Variants in STX2 observed in about 807,000 individuals in gnomAD.
STX2 encodes the protein syntaxin-2.
Under a neutral mutation model 40.6 loss-of-function variants are expected in STX2, and 27 were observed. The ratio of observed to expected loss-of-function variants is 0.66; its 90% confidence interval spans 0.49 to 0.92. The LOEUF (loss-of-function observed/expected upper bound fraction) is 0.92, where lower values mean the gene tolerates loss of function less well. Among genes scored for constraint, STX2 ranks in the 40% least tolerant of loss-of-function variants. STX2 has a pLI of 0.00. For missense variants in STX2, 328 were observed against 366.1 expected (o/e 0.90, Z 0.85); for synonymous variants, 123 against 119.1 (o/e 1.03, Z -0.22).
chr12:130,838,077 T>A (rs917169551), intron 1 of STX2, among the ~76,000 whole-genome samples: 3 of 152,206 alleles, frequency 2.0e-5, no homozygotes, highest in Non-Finnish European at 4.4e-5. Flanking sequence ...ATTCATTACA[T>A]GCAGTGGGTG....
intron 3 of STX2, among the ~76,000 whole-genome samples, chr12:130,818,185 A>AAAAAAAAAAAAAAAAATATATAT: frequency 2.8e-5 from 2 of 70,544 alleles, no homozygotes; most frequent in African/African-American, 2.4e-4. Context: ...AAAAAAAAAA[A>AAAAAAAAAAAAAAAAATATATAT]ATATATATAT....
At chr12:130,838,804 C>A (rs1952825161) in intron 1 of STX2, among the ~76,000 whole-genome samples, 1 of 152,092 alleles carries the variant, frequency 6.6e-6, no homozygotes, top group Non-Finnish European at 1.5e-5. Flanking sequence ...TGCCCCAACC[C>A]GCCCTGAGGA....
intron 6 of STX2, among the ~76,000 whole-genome samples, chr12:130,802,001 T>A (rs1027313046): frequency 6.6e-6 from 1 of 152,238 alleles, no homozygotes; most frequent in African/African-American, 2.4e-5. Flanking sequence ...CTATTTTTCA[T>A]AGTTTGTGCC....
Position 130,801,407 on chromosome 12 carries a change from C to G in STX2, c.537+8G>C, listed in dbSNP as rs1302417800. 2 of 1,606,572 alleles carry G rather than the reference C, an allele frequency of 1.2e-6. No individual in the cohort carries two copies. Among genetic ancestry groups the G allele is most frequent in the Admixed American group, 1.7e-5 (1 of 59,234 alleles). The stretch of plus-strand genomic sequence containing the variant: ...GACATGGAGCCACAGGGCCGCACCC[C>G]CACTCACGTCGGAAGTGAAGATGGA... On this transcript the variant is annotated splice_region_variant and intron_variant, in intron 7 of 10. Transcript: ENST00000392373.
intron 4 of STX2, among the ~76,000 whole-genome samples, chr12:130,809,591 C>A (rs758694002): frequency 6.6e-6 from 1 of 152,076 alleles, no homozygotes; most frequent in African/African-American, 2.4e-5. Flanking sequence ...CTAAGGCAGG[C>A]GGATCACTTG....
intron 7 of STX2, 38 bp from the exon 8 acceptor site, chr12:130,801,328 T>G: frequency 6.2e-7 from 1 of 1,600,006 alleles, no homozygotes; most frequent in Non-Finnish European, 8.5e-7. Flanking sequence ...ATTAATAAAC[T>G]TATGATGGGT....
chr12:130,798,867 C>G (rs745846730), intron 8 of STX2, among the ~76,000 whole-genome samples: 6 of 152,118 alleles, frequency 3.9e-5, no homozygotes, highest in South Asian at 4.2e-4. Flanking sequence ...AATGGGCCAC[C>G]ATGTTGATAA....
At chr12:130,834,623 CAT>C (rs1386259437) in intron 1 of STX2, among the ~76,000 whole-genome samples, 5 of 152,154 alleles carry the variant, frequency 3.3e-5, no homozygotes, top group African/African-American at 9.6e-5. Context: ...TCTGTAAAAA[CAT>C]ATAGATTTTG....
At chr12:130,804,354 G>C (rs1951345389) in intron 6 of STX2, among the ~76,000 whole-genome samples, 1 of 152,240 alleles carries the variant, frequency 6.6e-6, no homozygotes, top group African/African-American at 2.4e-5. Flanking sequence ...CCATCCTGAA[G>C]CAAAACCACC....
chr12:130,816,174 G>A (rs746144742), intron 3 of STX2, among the ~76,000 whole-genome samples: 17 of 152,182 alleles, frequency 1.1e-4, no homozygotes, highest in Admixed American at 2.6e-4. Flanking sequence ...GCAGGGGTCC[G>A]GCCCAGCCAG....
intron 9 of STX2, among the ~76,000 whole-genome samples, chr12:130,796,596 T>C (rs1951035608): frequency 6.6e-6 from 1 of 152,212 alleles, no homozygotes; most frequent in South Asian, 2.1e-4. Flanking sequence ...AGTGACTTAA[T>C]AAGGTCAGAC....
intron 9 of STX2, among the ~76,000 whole-genome samples, chr12:130,797,708 T>C (rs1035109477): frequency 6.6e-6 from 1 of 152,214 alleles, no homozygotes; most frequent in African/African-American, 2.4e-5. Context: ...AATGCCTAAG[T>C]TAGGAGAGTA....
chr12:130,802,254 G>A (rs1048189819), intron 6 of STX2, among the ~76,000 whole-genome samples: 6 of 152,168 alleles, frequency 3.9e-5, no homozygotes, highest in African/African-American at 1.4e-4. Context: ...CTGGAGTGCA[G>A]GGGCACCGTC....
Position 130,791,616 on chromosome 12 carries a change from T to C in STX2, c.*407A>G, listed in dbSNP as rs1242758792. On this transcript the variant is annotated 3_prime_UTR_variant, in exon 11 of 11. Transcript: ENST00000392373. Reference sequence around the variant, plus strand: ...GTTAACACTGAAATATTTTTAATATTAAAATGTTCAATATTTTCTTATTTC... The same window carrying C: ...GTTAACACTGAAATATTTTTAATATCAAAATGTTCAATATTTTCTTATTTC... 3.7e-6 allele frequency: 1 copy of C among 270,894 alleles called. No individual in the cohort carries two copies. The highest frequency in any genetic ancestry group is 2.2e-5 in the African/African-American group (1 of 45,440). 16.8% of individuals were successfully genotyped at this position (270,894 alleles called of 1,614,324 possible). A position where few individuals can be genotyped will look rare whatever the true frequency, so the allele number is the denominator to read the frequency against.
At chr12:130,822,877 C>T (rs368129447) in intron 2 of STX2, among the ~76,000 whole-genome samples, 25 of 152,290 alleles carry the variant, frequency 1.6e-4, no homozygotes, top group African/African-American at 5.1e-4. Context: ...TGGAACACTA[C>T]GCATAAATGG....
chr12:130,812,958 CT>C lies in STX2; in HGVS notation c.278del (p.Lys93ArgfsTer62). ...KTANKIRAKL[K>X]AIEQSFDQDE... is the part of the protein sequence containing the mutation. ...TTAAACATAAAACTTCAAACTTACC[CT>C]TTAACTTGGCTCGAATTTTATTCGC... On this transcript the variant is annotated frameshift_variant and splice_region_variant, in exon 4 of 11. Transcript: ENST00000392373. LOFTEE classifies it high-confidence loss of function. 6.4e-7 allele frequency: 1 copy of C among 1,552,130 alleles called. No individual in the cohort carries two copies. Among genetic ancestry groups the C allele is most frequent in the Admixed American group, 2.1e-5 (1 of 48,574 alleles).
intron 3 of STX2, among the ~76,000 whole-genome samples, chr12:130,815,025 G>C (rs1951807832): frequency 6.6e-6 from 1 of 152,088 alleles, no homozygotes; most frequent in Admixed American, 6.5e-5. Context: ...CTTAAGCCTA[G>C]GACTTTAAGG....
chr12:130,812,942 A>G lies in STX2; in HGVS notation c.280+15T>C. 6.5e-7 allele frequency: 1 copy of G among 1,530,314 alleles called. No homozygotes were observed. Among genetic ancestry groups the G allele is most frequent in the South Asian group, 1.3e-5 (1 of 79,030 alleles). 94.8% of individuals were successfully genotyped at this position (1,530,314 alleles called of 1,614,324 possible). ...CTCCCAACATCAATAATTAAACATA[A>G]AACTTCAAACTTACCCTTTAACTTG... On this transcript the variant is annotated intron_variant, in intron 4 of 10. Transcript: ENST00000392373.
rs187138834 is a variant in STX2, at chr12:130,828,648, C to T, written c.31-1381G>A. 1.3e-4 allele frequency among the ~76,000 whole-genome samples: 20 copies of T among 151,414 alleles called. 1 individual carries two copies. In the East Asian group the frequency reaches 3.6e-3, roughly 27 times the overall value. On this transcript the variant is annotated intron_variant, in intron 1 of 10. Coordinates refer to ENST00000392373, the MANE Select transcript of STX2 (RefSeq NM_194356.4). ...TTGGGAGGCCGAGGCGGGTGGATCA[C>T]GAGATCAGGAGATTGAGACCATCCT...
Sources: allele counts gnomAD v4.1 joint callset (sites outside exome capture counted in the v4.1 genomes callset), GRCh38; gene constraint gnomAD v4.1.1; transcripts MANE v1.5; gene names NCBI Gene and HGNC (gene_info 2026-07-23, HGNC 2026-07-21).